Variants in ZNF726 observed in about 807,000 individuals in gnomAD.
ZNF726 encodes zinc finger protein 92 pseudogene 3.
A neutral mutation model predicts 11.6 loss-of-function variants in ZNF726; 15 were observed. The observed-to-expected ratio is 1.29, with a 90% CI of 0.86 to 1.99. ZNF726 has a LOEUF of 1.99. ZNF726 is among the 30% of genes most tolerant of loss of function. The probability of loss-of-function intolerance (pLI) is 0.00; values close to 1 mark genes in which losing one functional copy is unlikely to be tolerated. For missense variants in ZNF726, 890 were observed against 725.6 expected, an observed-to-expected ratio of 1.23 and a Z score of -2.60; for synonymous variants, 295 against 243.6, an observed-to-expected ratio of 1.21 and a Z score of -1.96.
rs1346468740 is a variant in ZNF726 at position 23,943,475 on chromosome 19, C to A, written c.227-19C>A. The A allele has an allele frequency of 6.8e-6, 4 of 590,910 alleles. No individual in the cohort carries two copies. The African/African-American group carries it at 7.2e-5, about 11-fold the overall frequency. 36.6% of individuals were successfully genotyped at this position (590,910 alleles called of 1,614,324 possible). ...TGGAGAATCCCAGCAAGTCATATTA[C>A]TTTTTTCTAACAAAACAGGCCTTGC... On this transcript the variant is annotated intron_variant, in intron 3 of 4. Transcript: ENST00000334589.
At chr19:23,921,372 G>C (rs1188627440) in intron 3 of ZNF726, 1 of 152,236 alleles carries the variant, frequency 6.6e-6, no homozygotes, top group Non-Finnish European at 1.5e-5. Context: ...GATTGCTTTG[G>C]CTATTCAAAA....
chr19:23,924,494 A>T (rs1790094076), intron 3 of ZNF726, among the ~76,000 whole-genome samples: 1 of 152,072 alleles, frequency 6.6e-6, no homozygotes, highest in African/African-American at 2.4e-5. Flanking sequence ...GGTAATTTTT[A>T]AAAAAGATTC....
chr19:23,943,969 G>A (rs914589863), intron 4 of ZNF726: 1 of 155,236 alleles, frequency 6.4e-6, no homozygotes, highest in East Asian at 1.9e-4. Context: ...AAATGTATGA[G>A]AGCAGTGGTG....
chr19:23,919,924 A>T, intron 2 of ZNF726, 63 bp from the exon 3 acceptor site: 1 of 1,161,346 alleles, frequency 8.6e-7, no homozygotes, highest in Non-Finnish European at 1.2e-6. Flanking sequence ...TACTTTGCAC[A>T]TTACTAAGTT....
In ZNF726 at chr19:23,932,367, A is replaced by G; in HGVS notation, c.251A>G (p.Asp84Gly). ...GGTATATGTCCTCATTTTGCTCAAG[A>G]CATTTGGCCAGAGCAGGGCGTGGAA... ...PPGICPHFAQ[D>G]IWPEQGVEDS... The change falls in exon 4 of 4, where the codon GAC becomes GGC. Residue 84 changes from aspartate (D) to glycine (G), a missense_variant. Physicochemically the swap from Asp to Gly is moderately conservative, Grantham distance 94 (BLOSUM62 -1). Coordinates refer to ENST00000594466, the MANE Select transcript of ZNF726 (RefSeq NM_001244038.2). 1 of 1,437,334 alleles carries G rather than the reference A, an allele frequency of 7.0e-7. No homozygotes were observed. The highest frequency in any genetic ancestry group is 9.1e-7 in the Non-Finnish European group (1 of 1,095,428). The allele number at this position is 1,437,334 out of a possible 1,614,324, so 89.0% of individuals were successfully genotyped here.
chr19:23,931,777 T>G (rs1054715169), intron 3 of ZNF726, among the ~76,000 whole-genome samples: 3 of 152,198 alleles, frequency 2.0e-5, no homozygotes, highest in African/African-American at 7.2e-5. Flanking sequence ...GAGTCAGTAA[T>G]CACTTGCTAC....
chr19:23,917,730 A>G (rs1294380895), intron 1 of ZNF726, among the ~76,000 whole-genome samples: 1 of 152,194 alleles, frequency 6.6e-6, no homozygotes, highest in Non-Finnish European at 1.5e-5. Context: ...AGGAATACAT[A>G]GTTTTGCTTT....
At chr19:23,920,760 T>C (rs576596439) in intron 3 of ZNF726, 1 of 152,080 alleles carries the variant, frequency 6.6e-6, no homozygotes, top group African/African-American at 2.4e-5. Context: ...AGGGGTTTTT[T>C]TTTGTTTGTT....
At chr19:23,938,425 A>G (rs1050550101), downstream of ZNF726, among the ~76,000 whole-genome samples, 1 of 152,090 alleles carries the variant, frequency 6.6e-6, no homozygotes, top group Non-Finnish European at 1.5e-5. Context: ...AAAAAAACCA[A>G]AATTCTCAAA....
intron 3 of ZNF726, among the ~76,000 whole-genome samples, chr19:23,926,321 G>A (rs1827195518): frequency 6.6e-6 from 1 of 152,058 alleles, no homozygotes; most frequent in Admixed American, 6.6e-5. Flanking sequence ...TTGAGAGGCT[G>A]AGGTGGGCGG....
Position 23,934,259 on chromosome 19 carries a change from C to A in ZNF726, c.*292C>A, listed in dbSNP as rs747824594. The stretch of plus-strand genomic sequence containing the variant: ...AATGTGGCAAAGCATATGGTCCACA[C>A]CCCTAAGTAGACATAAGAGGATGCA... On this transcript the variant is annotated 3_prime_UTR_variant, in exon 4 of 4. Transcript: ENST00000594466. 3.2e-6 allele frequency: 2 copies of A among 630,500 alleles called. No individual in the cohort carries two copies. The highest frequency in any genetic ancestry group is 6.1e-6 in the Non-Finnish European group (2 of 326,664). 39.1% of individuals were successfully genotyped at this position (630,500 alleles called of 1,614,324 possible).
chr19:23,931,825 G>A (rs1323481501), intron 3 of ZNF726, among the ~76,000 whole-genome samples: 1 of 152,070 alleles, frequency 6.6e-6, no homozygotes, highest in Non-Finnish European at 1.5e-5. Flanking sequence ...TCTGGCGGCT[G>A]CTGGAACATT....
chr19:23,926,659 T>C (rs1967996494), intron 3 of ZNF726, among the ~76,000 whole-genome samples: 1 of 152,098 alleles, frequency 6.6e-6, no homozygotes, highest in South Asian at 2.1e-4. Flanking sequence ...CTTCATTTTA[T>C]CGTTATGGAT....
chr19:23,934,936 C>T (rs1369232705), downstream of ZNF726, among the ~76,000 whole-genome samples: 2 of 152,200 alleles, frequency 1.3e-5, no homozygotes, highest in African/African-American at 2.4e-5. Context: ...GGGGCATTTG[C>T]TTTATAAAGA....
At chr19:23,916,489 C>G (rs887773674) in intron 1 of ZNF726, among the ~76,000 whole-genome samples, 1 of 152,040 alleles carries the variant, frequency 6.6e-6, no homozygotes, top group Admixed American at 6.6e-5. Context: ...TGGCACCACG[C>G]CTGGCTAATT....
intron 4 of ZNF726, chr19:23,944,371 AATG>A (rs1297237339): frequency 6.6e-6 from 1 of 152,262 alleles, no homozygotes; most frequent in African/African-American, 2.4e-5. Context: ...GTAGATACCC[AATG>A]ATGAGACTTT....
chr19:23,915,162 G>A (rs1171845368), intron 1 of ZNF726, among the ~76,000 whole-genome samples, 165 bp downstream of exon 1: 3 of 152,184 alleles, frequency 2.0e-5, no homozygotes, highest in Non-Finnish European at 2.9e-5. Context: ...GATGGCGGCT[G>A]CGCTGACAGC....
chr19:23,915,624 A>G (rs1204761910), intron 1 of ZNF726, among the ~76,000 whole-genome samples: 1 of 151,864 alleles, frequency 6.6e-6, no homozygotes, highest in Non-Finnish European at 1.5e-5. Context: ...TCTGTTGCCC[A>G]GGCTGAAGTG....
intron 2 of ZNF726, 55 bp from the exon 3 acceptor site, chr19:23,919,932 G>A: frequency 7.9e-7 from 1 of 1,260,078 alleles, no homozygotes; most frequent in Non-Finnish European, 1.1e-6. Context: ...ACATTACTAA[G>A]TTGGTAATTG....
Sources: gnomAD v4.1 joint callset for allele counts (sites outside exome capture counted in the v4.1 genomes callset) on GRCh38, gnomAD v4.1.1 for gene constraint, MANE v1.5 for transcripts, NCBI Gene and HGNC (gene_info 2026-07-23, HGNC 2026-07-21) for gene names.